The following PRDM16 variants were observed in gnomAD, a reference collection of about 807,000 sequenced individuals.
PRDM16 encodes the protein histone-lysine N-methyltransferase PRDM16.
In PRDM16, 23 loss-of-function variants were observed where a neutral mutation model predicts 110.6. The observed-to-expected ratio is 0.21, with a 90% CI of 0.15 to 0.29. The LOEUF (loss-of-function observed/expected upper bound fraction) is 0.29. PRDM16 is among the 10% of genes least tolerant of loss of function. The pLI is 1.00. For missense variants in PRDM16, 1,615 were observed against 1,794.3 expected (o/e 0.90, Z 1.81); for synonymous variants, 799 against 781.8 (o/e 1.02, Z -0.37).
intron 3 of PRDM16, among the ~76,000 whole-genome samples, chr1:3,351,932 G>A (rs1642503648): frequency 6.6e-6 from 1 of 151,372 alleles, no homozygotes; most frequent in Non-Finnish European, 1.5e-5. Flanking sequence ...ATGCCTGAGG[G>A]TAGCTGGGCT....
intron 3 of PRDM16, among the ~76,000 whole-genome samples, chr1:3,374,474 C>T (rs1013283577): frequency 6.6e-6 from 1 of 152,228 alleles, no homozygotes; most frequent in South Asian, 2.1e-4. Context: ...CCTGGACACA[C>T]GTGTCCCCAG....
At chr1:3,221,530 C>T (rs938117729) in intron 2 of PRDM16, among the ~76,000 whole-genome samples, 2 of 152,248 alleles carry the variant, frequency 1.3e-5, no homozygotes, top group South Asian at 2.1e-4. Context: ...CAAAATAAAG[C>T]ATTGCTGGTC....
At chr1:3,418,192 A>G (rs949768166) in intron 11 of PRDM16, among the ~76,000 whole-genome samples, 195 bp downstream of exon 11, 14 of 152,218 alleles carry the variant, frequency 9.2e-5, no homozygotes, top group African/African-American at 3.4e-4. Flanking sequence ...GCCTCACGCC[A>G]TGCTGTGCTC....
At chr1:3,165,649 G>T (rs1209244771) in intron 1 of PRDM16, among the ~76,000 whole-genome samples, 13 of 88,944 alleles carry the variant, frequency 1.5e-4, no homozygotes, top group African/African-American at 3.1e-4. Flanking sequence ...TCAGGGACAG[G>T]GACTCACCTG....
At chr1:3,114,145 GCACACACGCACA>G (rs1156319309) in intron 1 of PRDM16, among the ~76,000 whole-genome samples, 146 of 149,856 alleles carry the variant, frequency 9.7e-4, no homozygotes, top group African/African-American at 2.3e-3. Flanking sequence ...TCTGCACACT[GCACACACGCACA>G]CACACACGCA....
At chr1:3,188,617 C>T (rs947040522) in intron 2 of PRDM16, among the ~76,000 whole-genome samples, 16 of 152,240 alleles carry the variant, frequency 1.1e-4, no homozygotes, top group African/African-American at 3.4e-4. Flanking sequence ...CCCCCCGACG[C>T]CCTCAAACGG....
chr1:3,179,561 C>A (rs1215943994), intron 1 of PRDM16, among the ~76,000 whole-genome samples: 2 of 152,248 alleles, frequency 1.3e-5, no homozygotes, highest in Admixed American at 6.5e-5. Flanking sequence ...GGCTGAGAAA[C>A]CTGCTGTGGG....
chr1:3,215,865 A>C (rs1639016116), intron 2 of PRDM16, among the ~76,000 whole-genome samples: 1 of 152,194 alleles, frequency 6.6e-6, no homozygotes, highest in Admixed American at 6.5e-5. Context: ...CCGGCTCCTC[A>C]GCCTCATACA....
At chr1:3,149,336 G>T (rs537693769) in intron 1 of PRDM16, among the ~76,000 whole-genome samples, 1 of 152,248 alleles carries the variant, frequency 6.6e-6, no homozygotes, top group East Asian at 1.9e-4. Context: ...CAGTGGCTCC[G>T]AGATTCCCAA....
intron 10 of PRDM16, among the ~76,000 whole-genome samples, chr1:3,415,395 G>C (rs979718646): frequency 6.6e-6 from 1 of 152,270 alleles, no homozygotes; most frequent in African/African-American, 2.4e-5. Flanking sequence ...ACAGACTGCA[G>C]ACCAGACCGG....
Position 3,351,196 on chromosome 1 carries a change from C to T in PRDM16, c.439-33956C>T, listed in dbSNP as rs538129821. Among the ~76,000 whole-genome samples the T allele has an allele frequency of 5.5e-3, 832 of 152,280 alleles. 4 individuals carry two copies. Among genetic ancestry groups the T allele is most frequent in the Non-Finnish European group, 7.4e-3 (505 of 68,028 alleles). ...CCACGGGGTCCACCCCGGCCCCTGG[C>T]CAGTGCCAGCTCTCATCCCCACCAG... On this transcript the variant is annotated intron_variant, in intron 3 of 16. Transcript: ENST00000270722.
chr1:3,336,424 G>A (rs1642151640), intron 3 of PRDM16, among the ~76,000 whole-genome samples: 2 of 151,976 alleles, frequency 1.3e-5, no homozygotes, highest in African/African-American at 4.8e-5. Flanking sequence ...GTCTGTGCAT[G>A]TGTGTTTGCA....
chr1:3,263,557 C>G (rs181462884), intron 3 of PRDM16, among the ~76,000 whole-genome samples: 1 of 152,324 alleles, frequency 6.6e-6, no homozygotes, highest in East Asian at 1.9e-4. Context: ...GCACAGGCTG[C>G]CAGAGTCCCT....
intron 1 of PRDM16, among the ~76,000 whole-genome samples, chr1:3,174,693 G>T (rs1282272239): frequency 6.6e-6 from 1 of 152,102 alleles, no homozygotes; most frequent in Non-Finnish European, 1.5e-5. Context: ...CCTCTTTGCT[G>T]GGGAAATTTC....
Position 3,118,708 on chromosome 1 carries a change from C to T in PRDM16, c.37+49412C>T, listed in dbSNP as rs538454742. 3.9e-4 allele frequency among the ~76,000 whole-genome samples: 60 copies of T among 152,174 alleles called. 1 individual carries two copies. The highest frequency in any genetic ancestry group is 1.4e-3 in the East Asian group (7 of 5,162). ...CGGGGGGTGTCAGGGACCCCCAGAG[C>T]GGACTTGATCTCAGCCTGGGGGCCA... On this transcript the variant is annotated intron_variant, in intron 1 of 16. Transcript: ENST00000270722.
chr1:3,114,525 CGCACACAT>C (rs1195193109), intron 1 of PRDM16, among the ~76,000 whole-genome samples: 31 of 151,972 alleles, frequency 2.0e-4, no homozygotes, highest in South Asian at 4.2e-4. Flanking sequence ...CATGAACACA[CGCACACAT>C]GCACACATGA....
chr1:3,106,092 C>A (rs1010156449), intron 1 of PRDM16, among the ~76,000 whole-genome samples: 1 of 152,194 alleles, frequency 6.6e-6, no homozygotes, highest in Admixed American at 6.5e-5. Context: ...TCACCCTCGG[C>A]CTCAAAGGAT....
chr1:3,149,372 G>C (rs75555620), intron 1 of PRDM16, among the ~76,000 whole-genome samples: 1,853 of 152,250 alleles, frequency 0.012, 39 homozygotes, highest in African/African-American at 0.042. Context: ...GGCCAGAGTC[G>C]GATGGGGAGA....
In PRDM16 at chr1:3,339,122, C is replaced by T. The variant is rs537441969; in HGVS notation, c.439-46030C>T. Among the ~76,000 whole-genome samples, 15 of 152,284 alleles carry T rather than the reference C, an allele frequency of 9.9e-5. No individual in the cohort carries two copies. Among genetic ancestry groups the T allele is most frequent in the African/African-American group, 3.4e-4 (14 of 41,564 alleles). The stretch of plus-strand genomic sequence containing the variant: ...TCCCCTCTCTGGCCTCCCCATGTCC[C>T]GCCTTTCCGGGTGCTCAGAGGCATC... On this transcript the variant is annotated intron_variant, in intron 3 of 16. Coordinates refer to ENST00000270722, the MANE Select transcript of PRDM16 (RefSeq NM_022114.4). The surrounding 1 kb of genome is among the most constrained non-coding windows in gnomAD (Gnocchi z 5.0).
Sources: allele counts gnomAD v4.1 joint callset (sites outside exome capture counted in the v4.1 genomes callset), GRCh38; gene constraint gnomAD v4.1.1; non-coding constraint Gnocchi (gnomAD v3.1); transcripts MANE v1.5; gene names NCBI Gene and HGNC (gene_info 2026-07-23, HGNC 2026-07-21).